The following TMEM63B variants were observed in gnomAD, a reference collection of about 807,000 sequenced individuals.
TMEM63B encodes mechanosensitive cation channel TMEM63B.
In TMEM63B, 23 loss-of-function variants were observed where a neutral mutation model predicts 102.6. The ratio of observed to expected loss-of-function variants is 0.22; its 90% confidence interval spans 0.16 to 0.32. The LOEUF (loss-of-function observed/expected upper bound fraction) is 0.32. Ranked by LOEUF, TMEM63B falls within the 10% of genes least tolerant of loss-of-function variation. The pLI, the probability that TMEM63B is intolerant of heterozygous loss-of-function variation, is 1.00. For missense variants in TMEM63B, 628 were observed against 1,095.9 expected, an observed-to-expected ratio of 0.57 and a Z score of 6.03; for synonymous variants, 444 against 437.0, an observed-to-expected ratio of 1.02 and a Z score of -0.20.
At chr6:44,147,022 T>A in intron 11 of TMEM63B, 95 bp downstream of exon 11, 1 of 1,356,454 alleles carries the variant, frequency 7.4e-7, no homozygotes, top group Non-Finnish European at 1.0e-6. Flanking sequence ...TCTAGATTTT[T>A]TCCTAGGGCA....
intron 15 of TMEM63B, among the ~76,000 whole-genome samples, chr6:44,149,601 G>A (rs985116647): frequency 1.3e-5 from 2 of 152,174 alleles, no homozygotes; most frequent in Non-Finnish European, 2.9e-5. Context: ...TGAGGATTAA[G>A]ACATGGCAAG....
rs533571594 is a variant in TMEM63B at position 44,150,106 on chromosome 6, C to T, written c.1521-118C>T. 2 of 1,328,578 alleles carry T rather than the reference C, an allele frequency of 1.5e-6. No homozygotes were observed. Among genetic ancestry groups the T allele is most frequent in the South Asian group, 1.3e-5 (1 of 78,654 alleles). The allele number at this position is 1,328,578 out of a possible 1,614,324, so 82.3% of individuals were successfully genotyped here. On this transcript the variant is annotated intron_variant, in intron 16 of 23. Coordinates refer to ENST00000323267, the MANE Select transcript of TMEM63B (RefSeq NM_018426.3). This position sits in a 1 kb window ranked among gnomAD's most constrained non-coding sequence, Gnocchi z 4.7. ...GGGAAGGGGTAGTGCCCAGCACCCT[C>T]ACCTTGGGAGGCCCACCCTTCCCAG...
intron 4 of TMEM63B, 79 bp downstream of exon 4, chr6:44,135,445 C>A: frequency 6.6e-7 from 1 of 1,511,458 alleles, no homozygotes; most frequent in Non-Finnish European, 8.9e-7. Flanking sequence ...TCTCTTCCTG[C>A]CAAGTTGCTG....
At chr6:44,138,929 C>T (rs181110315) in intron 6 of TMEM63B, 42 of 269,164 alleles carry the variant, frequency 1.6e-4, no homozygotes, top group Middle Eastern at 1.3e-3. Context: ...GAAGCCAGGA[C>T]AGGTCAGCAC....
At chr6:44,133,616 CCAGGCACT>C (rs1762366562) in intron 1 of TMEM63B, among the ~76,000 whole-genome samples, 2 of 152,186 alleles carry the variant, frequency 1.3e-5, no homozygotes, top group Admixed American at 1.3e-4. Flanking sequence ...CTTTGAGAAC[CCAGGCACT>C]CAGGCTGGCT....
At chr6:44,134,901 C>T in intron 2 of TMEM63B, 116 bp from the exon 3 acceptor site, 1 of 1,496,598 alleles carries the variant, frequency 6.7e-7, no homozygotes, top group African/African-American at 1.4e-5. Context: ...TGACCATTCA[C>T]CCAAGCCAGG....
rs1249123970 is a variant in TMEM63B at position 44,152,090 on chromosome 6, G to A, written c.1836+82G>A. On this transcript the variant is annotated intron_variant, in intron 19 of 23. Coordinates refer to ENST00000323267, the MANE Select transcript of TMEM63B (RefSeq NM_018426.3). The surrounding 1 kb of genome is among the most constrained non-coding windows in gnomAD (Gnocchi z 6.4). ...AAACAGCAGCCATCGCGCTAGGGTTGAGGGGCACAGGAGGGCTGAGACTTG... is the reference window on the plus strand; with the variant it reads ...AAACAGCAGCCATCGCGCTAGGGTTAAGGGGCACAGGAGGGCTGAGACTTG... The A allele has an allele frequency of 1.4e-6, 2 of 1,473,542 alleles. No individual in the cohort carries two copies. Among genetic ancestry groups the A allele is most frequent in the African/African-American group, 1.4e-5 (1 of 70,298 alleles). 91.3% of individuals were successfully genotyped at this position (1,473,542 alleles called of 1,614,324 possible).
chr6:44,153,558 C>G (rs936300185), intron 20 of TMEM63B, 118 bp from the exon 21 acceptor site: 1 of 1,232,484 alleles, frequency 8.1e-7, no homozygotes, highest in Non-Finnish European at 1.1e-6. Context: ...TCCTGGGGCC[C>G]GGGCAGGAGG....
chr6:44,152,753 C>T lies in TMEM63B; in HGVS notation c.1942+55C>T. ...CTGCTCGGGGGGACCCAGGACTTCA[C>T]CCTCTCCACTCTAGGAATGCAGGCC... On this transcript the variant is annotated intron_variant, in intron 20 of 23. Coordinates refer to ENST00000323267, the MANE Select transcript of TMEM63B (RefSeq NM_018426.3). The surrounding 1 kb of genome is among the most constrained non-coding windows in gnomAD (Gnocchi z 6.4). The T allele has an allele frequency of 1.4e-6, 2 of 1,446,806 alleles. No individual in the cohort carries two copies. The highest frequency in any genetic ancestry group is 1.4e-5 in the African/African-American group (1 of 71,806). The allele number at this position is 1,446,806 out of a possible 1,614,324, so 89.6% of individuals were successfully genotyped here.
intron 10 of TMEM63B, among the ~76,000 whole-genome samples, chr6:44,143,787 G>C (rs188810305): frequency 6.6e-6 from 1 of 152,118 alleles, no homozygotes; most frequent in African/African-American, 2.4e-5. Context: ...CAGGGAAGCA[G>C]GCAGGGTAAG....
At chr6:44,131,206 C>T (rs1282733128) in intron 1 of TMEM63B, among the ~76,000 whole-genome samples, 1 of 152,082 alleles carries the variant, frequency 6.6e-6, no homozygotes, top group African/African-American at 2.4e-5. Context: ...GTGTGAGCCA[C>T]CGTGCCTGGC....
At chr6:44,140,615 G>A in intron 9 of TMEM63B, 1 of 604,598 alleles carries the variant, frequency 1.7e-6, no homozygotes, top group Non-Finnish European at 3.0e-6. Flanking sequence ...CCAGCACTTG[G>A]GAAAATAGCA....
chr6:44,140,964 C>T, intron 9 of TMEM63B, 64 bp from the exon 10 acceptor site: 1 of 1,490,332 alleles, frequency 6.7e-7, no homozygotes, highest in Non-Finnish European at 9.4e-7. Context: ...CCCCCCACCC[C>T]TCACATCCCC....
rs1423401668 is a variant in TMEM63B, at chr6:44,151,950, T to C, written c.1778T>C (p.Met593Thr). The part of the protein sequence containing the change: ...MDLLRIPGLL[M>T]YMIRLCLARS... ...CTGCTGCGCATCCCAGGCCTGCTCA[T>C]GTACATGATCCGGCTCTGCCTGGCG... The change falls in exon 19 of 24, where the codon ATG becomes ACG. Residue 593 changes from methionine to threonine, a missense_variant. This residue lies in a region of TMEM63B where 90 missense variants were observed against 136.7 expected (regional missense o/e 0.66). Coordinates refer to ENST00000323267, the MANE Select transcript of TMEM63B (RefSeq NM_018426.3). The C allele has an allele frequency of 6.2e-7, 1 of 1,613,194 alleles. No homozygotes were observed. The highest frequency in any genetic ancestry group is 1.1e-5 in the South Asian group (1 of 91,070).
chr6:44,146,743 G>A (rs1013169715), intron 10 of TMEM63B, 104 bp from the exon 11 acceptor site: 44 of 1,192,706 alleles, frequency 3.7e-5, no homozygotes, highest in South Asian at 3.5e-4. Flanking sequence ...GAGCCACCAC[G>A]TCCAGCCAGA....
At chr6:44,126,831 A>G (rs1189216657), upstream of TMEM63B, 4 of 152,166 alleles carry the variant, frequency 2.6e-5, no homozygotes, top group East Asian at 1.9e-4. Flanking sequence ...CTCTGGTGAA[A>G]TAAGAAACCA....
chr6:44,152,659 A>G lies in TMEM63B; in HGVS notation c.1903A>G (p.Met635Val). 1 of 1,608,006 alleles carries G rather than the reference A, an allele frequency of 6.2e-7. No individual in the cohort carries two copies. Among genetic ancestry groups the G allele is most frequent in the Non-Finnish European group, 8.5e-7 (1 of 1,179,934 alleles). Residue 635 changes from methionine to valine, a missense_variant, in exon 20 of 24, where the codon ATG (methionine) becomes GTG (valine). Physicochemically the swap from Met to Val is conservative, Grantham distance 21. This residue lies in a region of TMEM63B where 90 missense variants were observed against 136.7 expected (regional missense o/e 0.66). Transcript: ENST00000323267. This position sits in a 1 kb window ranked among gnomAD's most constrained non-coding sequence, Gnocchi z 6.4. Reference protein sequence around the residue: ...AWMMCVFTVVMTYSITCPIIV... With the variant: ...AWMMCVFTVVVTYSITCPIIV... ...GATGATGTGCGTCTTCACGGTGGTC[A>G]TGACCTACAGTATCACCTGCCCCAT...
At chr6:44,136,695 G>A (rs1347929322) in intron 5 of TMEM63B, among the ~76,000 whole-genome samples, 1 of 152,228 alleles carries the variant, frequency 6.6e-6, no homozygotes, top group Admixed American at 6.5e-5. Context: ...TTGCCATAAA[G>A]AGTTTTGTGC....
At chr6:44,141,984 T>C (rs1265237132) in intron 10 of TMEM63B, among the ~76,000 whole-genome samples, 2 of 151,156 alleles carry the variant, frequency 1.3e-5, no homozygotes, top group South Asian at 4.2e-4. Context: ...TAGCCAGGTG[T>C]GGTGGCGTGC....
Sources: gnomAD v4.1 joint callset for allele counts (sites outside exome capture counted in the v4.1 genomes callset) on GRCh38, gnomAD v4.1.1 for gene constraint, gnomAD v4.1.1 regional missense constraint, Gnocchi (gnomAD v3.1) non-coding constraint, MANE v1.5 for transcripts, NCBI Gene and HGNC (gene_info 2026-07-23, HGNC 2026-07-21) for gene names.